LPP: variants seen among roughly 807,000 people sequenced by gnomAD.
LPP encodes lipoma-preferred partner.
Under a neutral mutation model 60.4 loss-of-function variants are expected in LPP, and 38 were observed. The observed-to-expected ratio is 0.63, with a 90% CI of 0.49 to 0.83. LPP has a LOEUF of 0.83. LPP is among the 40% of genes least tolerant of loss of function. LPP has a pLI of 0.00. For synonymous variants in LPP, 328 were observed against 290.8 expected, an observed-to-expected ratio of 1.13 and a Z score of -1.30; for missense variants, 902 against 783.6, an observed-to-expected ratio of 1.15 and a Z score of -1.80.
At chr3:188,587,708 A>G (rs561324676) in intron 6 of LPP, among the ~76,000 whole-genome samples, 1 of 152,320 alleles carries the variant, frequency 6.6e-6, no homozygotes, top group South Asian at 2.1e-4. Context: ...GGCCAGAATT[A>G]TCTGATGCAA....
chr3:188,637,016 A>G (rs1238028486), intron 7 of LPP, among the ~76,000 whole-genome samples: 2 of 148,086 alleles, frequency 1.4e-5, no homozygotes, highest in East Asian at 1.9e-4. Flanking sequence ...AGTGGACCTA[A>G]TAGACATCTG....
chr3:188,330,509 C>G (rs562787327), intron 2 of LPP, among the ~76,000 whole-genome samples: 2 of 152,236 alleles, frequency 1.3e-5, no homozygotes, highest in East Asian at 3.9e-4. Flanking sequence ...ATTCTTCTTT[C>G]ATGTCTTTCT....
intron 9 of LPP, among the ~76,000 whole-genome samples, chr3:188,859,129 GGCA>G (rs1417483037): frequency 6.7e-6 from 1 of 148,424 alleles, no homozygotes; most frequent in Non-Finnish European, 1.5e-5. Context: ...GTTCATGTCT[GGCA>G]ATATTGAGTT....
chr3:188,539,809 G>A (rs1006403738), intron 6 of LPP, among the ~76,000 whole-genome samples: 2 of 152,112 alleles, frequency 1.3e-5, no homozygotes, highest in Non-Finnish European at 2.9e-5. Context: ...TCTGGGAAAG[G>A]AATTTAGGCA....
chr3:188,204,954 A>G (rs894319500), intron 1 of LPP, among the ~76,000 whole-genome samples: 1 of 152,154 alleles, frequency 6.6e-6, no homozygotes, highest in African/African-American at 2.4e-5. Context: ...GCTTGCTATC[A>G]TGTTGTTGGT....
At chr3:188,862,565 C>A (rs1765420140) in intron 9 of LPP, among the ~76,000 whole-genome samples, 2 of 151,830 alleles carry the variant, frequency 1.3e-5, no homozygotes, top group East Asian at 3.9e-4. Context: ...CTCAGTGTGG[C>A]AGCTGGGAGG....
At chr3:188,591,119 T>G (rs1838612089) in intron 6 of LPP, among the ~76,000 whole-genome samples, 1 of 152,182 alleles carries the variant, frequency 6.6e-6, no homozygotes, top group South Asian at 2.1e-4. Flanking sequence ...TCTTGGAATT[T>G]TGGTCTGAGG....
chr3:188,274,469 C>T (rs755757757), intron 2 of LPP, among the ~76,000 whole-genome samples: 4 of 152,134 alleles, frequency 2.6e-5, no homozygotes, highest in Non-Finnish European at 5.9e-5. Flanking sequence ...GTAGCTCTGG[C>T]AAATGAGAGT....
chr3:188,224,113 C>G (rs567075624), intron 1 of LPP, among the ~76,000 whole-genome samples: 2 of 152,266 alleles, frequency 1.3e-5, no homozygotes, highest in Admixed American at 6.5e-5. Flanking sequence ...ACAAGTCCCT[C>G]TGCCCAGTGT....
intron 4 of LPP, among the ~76,000 whole-genome samples, chr3:188,443,606 G>A (rs1036657254): frequency 2.6e-5 from 4 of 152,192 alleles, no homozygotes; most frequent in Non-Finnish European, 5.9e-5. Context: ...TGAGTTTCAT[G>A]TCCTTTTCTT....
chr3:188,477,604 C>T (rs1317365657), intron 4 of LPP, among the ~76,000 whole-genome samples: 1 of 152,180 alleles, frequency 6.6e-6, no homozygotes, highest in Non-Finnish European at 1.5e-5. Flanking sequence ...AAACCTTACT[C>T]AGCTGAACAA....
intron 2 of LPP, among the ~76,000 whole-genome samples, chr3:188,328,104 T>C (rs781333190): frequency 1.1e-4 from 16 of 152,208 alleles, no homozygotes; most frequent in Non-Finnish European, 1.5e-5. Context: ...AAAGTAATTG[T>C]GGATTTTCTT....
intron 7 of LPP, among the ~76,000 whole-genome samples, chr3:188,623,100 G>GATACA (rs34675576): frequency 0.028 from 12 of 426 alleles, no homozygotes; most frequent in South Asian, 0.1. Context: ...CCCCATGATT[G>GATACA]TATGGATGAC....
At chr3:188,513,565 C>T (rs907871831) in intron 5 of LPP, among the ~76,000 whole-genome samples, 1 of 151,724 alleles carries the variant, frequency 6.6e-6, no homozygotes, top group Admixed American at 6.6e-5. Context: ...TGTATTGTTC[C>T]TTATTATTAT....
chr3:188,425,801 T>G (rs923215661), intron 4 of LPP, among the ~76,000 whole-genome samples: 1 of 152,178 alleles, frequency 6.6e-6, no homozygotes, highest in Admixed American at 6.5e-5. Context: ...GATATCCCCT[T>G]TATCATTTTT....
intron 1 of LPP, among the ~76,000 whole-genome samples, chr3:188,200,843 A>G (rs1262177172): frequency 6.6e-6 from 1 of 152,216 alleles, no homozygotes; most frequent in Non-Finnish European, 1.5e-5. Flanking sequence ...TAAAATCCCC[A>G]GGAGTTATTA....
intron 2 of LPP, among the ~76,000 whole-genome samples, chr3:188,256,960 A>C (rs1450567219): frequency 1.3e-5 from 2 of 152,220 alleles, no homozygotes; most frequent in Non-Finnish European, 2.9e-5. Context: ...CACCATCCAG[A>C]AATTTCCCAG....
chr3:188,652,161 C>T (rs1330537043), intron 7 of LPP, among the ~76,000 whole-genome samples: 4 of 152,116 alleles, frequency 2.6e-5, no homozygotes, highest in African/African-American at 9.7e-5. Context: ...TTTTCCTGCA[C>T]TGGAGCAACC....
At chr3:188,168,244 T>A (rs573228984) in intron 1 of LPP, among the ~76,000 whole-genome samples, 8 of 152,228 alleles carry the variant, frequency 5.3e-5, no homozygotes, top group Non-Finnish European at 1.0e-4. Context: ...TGTGTGATAG[T>A]TGAAGTCTAG....
Sources: allele counts gnomAD v4.1 joint callset (sites outside exome capture counted in the v4.1 genomes callset), GRCh38; gene constraint gnomAD v4.1.1; transcripts MANE v1.5; gene names NCBI Gene and HGNC (gene_info 2026-07-23, HGNC 2026-07-21).